YAP1: variants seen among roughly 807,000 people sequenced by gnomAD.
The protein encoded by YAP1 is Yes1 associated transcriptional regulator, also known as transcriptional coactivator YAP1.
YAP1 carries 5 observed loss-of-function variants against 56.9 expected under a neutral mutation model. The observed-to-expected ratio is 0.09, with a 90% CI of 0.05 to 0.18. The LOEUF (loss-of-function observed/expected upper bound fraction) is 0.18, where lower values mean the gene tolerates loss of function less well. Ranked by LOEUF, YAP1 falls within the 10% of genes least tolerant of loss-of-function variation. The pLI is 1.00. For synonymous variants in YAP1, 265 were observed against 248.1 expected (o/e 1.07, Z -0.64); for missense variants, 539 against 651.8 (o/e 0.83, Z 1.88).
At chr11:102,201,643 G>A (rs895588483) in intron 4 of YAP1, among the ~76,000 whole-genome samples, 3 of 152,024 alleles carry the variant, frequency 2.0e-5, no homozygotes, top group Non-Finnish European at 4.4e-5. Context: ...TTAGATGATT[G>A]CGTATGTATA....
At chr11:102,199,533 A>G (rs2135566353) in intron 4 of YAP1, among the ~76,000 whole-genome samples, 1 of 152,354 alleles carries the variant, frequency 6.6e-6, no homozygotes, top group South Asian at 2.1e-4. Flanking sequence ...TGAGTTAATA[A>G]ATATGTTTTT....
intron 7 of YAP1, among the ~76,000 whole-genome samples, chr11:102,226,422 T>C (rs1217010724): frequency 6.6e-6 from 1 of 152,178 alleles, no homozygotes; most frequent in Non-Finnish European, 1.5e-5. Context: ...GTTAAACTTG[T>C]TTTTATTTTT....
intron 1 of YAP1, chr11:102,112,619 G>C (rs546781891): frequency 5.1e-6 from 5 of 985,098 alleles, no homozygotes; most frequent in East Asian, 1.1e-4. Context: ...ATAGTCTCCT[G>C]TCGGAGACCA....
intron 3 of YAP1, among the ~76,000 whole-genome samples, chr11:102,164,239 T>C (rs1946465276): frequency 6.6e-6 from 1 of 152,140 alleles, no homozygotes; most frequent in Non-Finnish European, 1.5e-5. Flanking sequence ...TTCACTATGT[T>C]GGCCAGGCTG....
chr11:102,136,427 A>G (rs997203417), intron 2 of YAP1, among the ~76,000 whole-genome samples: 45 of 150,778 alleles, frequency 3.0e-4, no homozygotes, highest in African/African-American at 1.1e-3. Flanking sequence ...TGCAACCTCC[A>G]TCTCCCAGGC....
chr11:102,162,675 T>C, intron 3 of YAP1, 104 bp downstream of exon 3: 2 of 1,053,154 alleles, frequency 1.9e-6, no homozygotes, highest in East Asian at 2.4e-5. Context: ...TGGGACATGG[T>C]GATGTTTATT....
chr11:102,221,962 T>C (rs1949956574), intron 6 of YAP1, among the ~76,000 whole-genome samples: 1 of 152,146 alleles, frequency 6.6e-6, no homozygotes, highest in African/African-American at 2.4e-5. Context: ...TTTTTTTTTT[T>C]ACCCCATTGA....
chr11:102,138,620 G>C (rs953909428), intron 2 of YAP1, among the ~76,000 whole-genome samples: 2 of 152,108 alleles, frequency 1.3e-5, no homozygotes. Context: ...GGATTTTCTG[G>C]TACCCGTGTT....
At chr11:102,214,448 T>C (rs1182477139) in intron 6 of YAP1, among the ~76,000 whole-genome samples, 1 of 152,142 alleles carries the variant, frequency 6.6e-6, no homozygotes, top group Non-Finnish European at 1.5e-5. Context: ...GAGAACAAAA[T>C]AATACCATTG....
At chr11:102,130,253 G>A (rs890792494) in intron 2 of YAP1, among the ~76,000 whole-genome samples, 6 of 152,136 alleles carry the variant, frequency 3.9e-5, no homozygotes, top group African/African-American at 1.2e-4. Flanking sequence ...ACCTTAGTTC[G>A]TGTAAAATAA....
chr11:102,132,377 A>G (rs1944415178), intron 2 of YAP1, among the ~76,000 whole-genome samples: 1 of 152,226 alleles, frequency 6.6e-6, no homozygotes, highest in Non-Finnish European at 1.5e-5. Context: ...GATGCTGTTA[A>G]TTAATTAATC....
intron 1 of YAP1, among the ~76,000 whole-genome samples, chr11:102,112,904 C>T (rs1943049210): frequency 6.6e-6 from 1 of 152,162 alleles, no homozygotes; most frequent in African/African-American, 2.4e-5. Flanking sequence ...AGAATTACAA[C>T]TGGGAAGTGT....
intron 2 of YAP1, among the ~76,000 whole-genome samples, chr11:102,152,771 A>G (rs549340952): frequency 6.6e-6 from 1 of 152,348 alleles, no homozygotes; most frequent in South Asian, 2.1e-4. Flanking sequence ...GTTTGCCTCA[A>G]TTAGTAGAAG....
rs1445499869 is a variant in YAP1, at chr11:102,232,671, A to G, written c.*2731A>G. On this transcript the variant is annotated 3_prime_UTR_variant, in exon 9 of 9. Transcript: ENST00000282441. ...CTGCTTCTTGGTTGTATTGGGTAGC[A>G]TTGGGATAAGATTTTAACTGGGTAT... is the stretch of plus-strand genomic sequence containing the variant. 1.3e-5 allele frequency: 2 copies of G among 152,638 alleles called. No homozygotes were observed. Among genetic ancestry groups the G allele is most frequent in the Non-Finnish European group, 2.9e-5 (2 of 68,038 alleles). The allele number at this position is 152,638 out of a possible 1,614,324, so 9.5% of individuals were successfully genotyped here. A position where few individuals can be genotyped will look rare whatever the true frequency, so the allele number is the denominator to read the frequency against.
At chr11:102,213,810 G>C (rs952574689) in intron 6 of YAP1, among the ~76,000 whole-genome samples, 1 of 152,244 alleles carries the variant, frequency 6.6e-6, no homozygotes, top group East Asian at 1.9e-4. Context: ...GGGCACAGTG[G>C]CTCACGCCTG....
At position 102,110,610 on chromosome 11, in the gene YAP1, C is replaced by G; in HGVS notation, c.-239C>G. On this transcript the variant is annotated 5_prime_UTR_variant, in exon 1 of 9. Transcript: ENST00000282441. ...TCAGGCGCCGCAGGTCCGAGTGCCT[C>G]GCAGCCCCTCCCGAGGCGCAGCCGC... The G allele has an allele frequency of 4.2e-6, 1 of 238,386 alleles. No individual in the cohort carries two copies. The highest frequency in any genetic ancestry group is 7.8e-6 in the Non-Finnish European group (1 of 127,712). 14.8% of individuals were successfully genotyped at this position (238,386 alleles called of 1,614,324 possible).
At chr11:102,199,537 T>C (rs537603161) in intron 4 of YAP1, among the ~76,000 whole-genome samples, 2 of 152,340 alleles carry the variant, frequency 1.3e-5, no homozygotes, top group Admixed American at 1.3e-4. Flanking sequence ...TTAATAAATA[T>C]GTTTTTTTTC....
intron 3 of YAP1, among the ~76,000 whole-genome samples, chr11:102,167,960 C>T (rs1946699473): frequency 6.6e-6 from 1 of 152,108 alleles, no homozygotes; most frequent in South Asian, 2.1e-4. Context: ...GGAAGGATAG[C>T]TTGAGCCCAC....
At chr11:102,120,810 G>C (rs1943603712) in intron 2 of YAP1, among the ~76,000 whole-genome samples, 1 of 152,226 alleles carries the variant, frequency 6.6e-6, no homozygotes. Context: ...GCTTGTTAAA[G>C]TGTTACTGTG....
Sources: gnomAD v4.1 joint callset for allele counts (sites outside exome capture counted in the v4.1 genomes callset) on GRCh38, gnomAD v4.1.1 for gene constraint, MANE v1.5 for transcripts, NCBI Gene and HGNC (gene_info 2026-07-23, HGNC 2026-07-21) for gene names.